SORCS1: variants seen among roughly 807,000 people sequenced by gnomAD.
SORCS1 encodes VPS10 domain-containing receptor SorCS1.
A neutral mutation model predicts 146.1 loss-of-function variants in SORCS1; 60 were observed. That is an observed-to-expected ratio of 0.41 (90% confidence interval 0.33 to 0.51). SORCS1 has a LOEUF of 0.51. SORCS1 is among the 20% of genes least tolerant of loss of function. SORCS1 has a pLI of 0.21. For synonymous variants in SORCS1, 637 were observed against 584.0 expected (o/e 1.09, Z -1.31); for missense variants, 1,352 against 1,487.6 (o/e 0.91, Z 1.50).
At chr10:106,947,854 A>G (rs1589766682) in intron 2 of SORCS1, among the ~76,000 whole-genome samples, 1 of 152,062 alleles carries the variant, frequency 6.6e-6, no homozygotes, top group Admixed American at 6.6e-5. Context: ...AAAAAAAGAG[A>G]AAAAGAAACT....
At chr10:106,753,746 C>A (rs1298241330) in intron 5 of SORCS1, among the ~76,000 whole-genome samples, 2 of 151,448 alleles carry the variant, frequency 1.3e-5, no homozygotes, top group African/African-American at 4.9e-5. Context: ...GATAAAGTAT[C>A]TGCCAGTGTA....
At chr10:107,132,254 C>T (rs1175937448) in intron 1 of SORCS1, among the ~76,000 whole-genome samples, 6 of 151,366 alleles carry the variant, frequency 4.0e-5, no homozygotes, top group Non-Finnish European at 7.4e-5. Context: ...TATTCCTATA[C>T]CCAAGCTTTA....
chr10:107,115,463 C>T (rs1312287018), intron 1 of SORCS1, among the ~76,000 whole-genome samples: 1 of 151,990 alleles, frequency 6.6e-6, no homozygotes, highest in East Asian at 1.9e-4. Flanking sequence ...CATATGTCGT[C>T]AACTAATCTT....
At chr10:106,604,026 G>T (rs1451262944) in intron 23 of SORCS1, among the ~76,000 whole-genome samples, 2 of 152,168 alleles carry the variant, frequency 1.3e-5, no homozygotes, top group Non-Finnish European at 2.9e-5. Context: ...GGTGCAATCA[G>T]GTGAGAGGTA....
At chr10:107,038,675 C>A (rs923064488) in intron 1 of SORCS1, among the ~76,000 whole-genome samples, 5 of 121,050 alleles carry the variant, frequency 4.1e-5, no homozygotes, top group African/African-American at 1.8e-4. Flanking sequence ...ACACTGCCCA[C>A]CCCCAACCCT....
chr10:106,822,027 G>C (rs1589473759), intron 3 of SORCS1, among the ~76,000 whole-genome samples: 1 of 152,176 alleles, frequency 6.6e-6, no homozygotes, highest in East Asian at 1.9e-4. Flanking sequence ...AGAAAAGATA[G>C]GAGGAAGGAA....
intron 5 of SORCS1, among the ~76,000 whole-genome samples, chr10:106,731,471 C>G (rs1856596501): frequency 1.3e-5 from 2 of 152,210 alleles, no homozygotes; most frequent in African/African-American, 4.8e-5. Context: ...CTGTGAGTCT[C>G]TAAGCTTCTG....
At chr10:107,047,808 C>T (rs780692723) in intron 1 of SORCS1, among the ~76,000 whole-genome samples, 6 of 151,986 alleles carry the variant, frequency 3.9e-5, no homozygotes, top group Non-Finnish European at 8.8e-5. Context: ...TTGCCGGGTG[C>T]GTTGGCTCAC....
chr10:107,150,728 C>G (rs1353562627), intron 1 of SORCS1, among the ~76,000 whole-genome samples: 2 of 152,206 alleles, frequency 1.3e-5, no homozygotes, highest in Non-Finnish European at 2.9e-5. Context: ...TACCTCCATG[C>G]TGTTCTTGTG....
intron 6 of SORCS1, among the ~76,000 whole-genome samples, chr10:106,710,907 T>C (rs952833823): frequency 4.6e-5 from 7 of 152,230 alleles, no homozygotes; most frequent in African/African-American, 1.4e-4. Flanking sequence ...CCCAGGCTGT[T>C]CTCAAAGCAC....
intron 2 of SORCS1, among the ~76,000 whole-genome samples, chr10:106,902,676 T>C (rs1186472137): frequency 6.6e-6 from 1 of 152,268 alleles, no homozygotes; most frequent in African/African-American, 2.4e-5. Context: ...AAAATATGCA[T>C]GCATACTTTT....
intron 18 of SORCS1, among the ~76,000 whole-genome samples, chr10:106,632,954 C>G (rs1323309311): frequency 6.6e-6 from 1 of 151,856 alleles, no homozygotes; most frequent in Non-Finnish European, 1.5e-5. Flanking sequence ...GCCAGGGGAA[C>G]AGAGGGAACA....
chr10:107,048,965 G>A (rs1285333821), intron 1 of SORCS1, among the ~76,000 whole-genome samples: 2 of 152,028 alleles, frequency 1.3e-5, no homozygotes, highest in African/African-American at 4.8e-5. Flanking sequence ...TGAGAGAGAA[G>A]CAGACAATTA....
chr10:106,618,020 C>A (rs1316865410), intron 21 of SORCS1, 129 bp downstream of exon 21: 2 of 1,242,210 alleles, frequency 1.6e-6, no homozygotes, highest in Non-Finnish European at 1.1e-6. Flanking sequence ...CGCCTCAGCT[C>A]TTTCTCAACT....
chr10:106,880,856 A>G (rs948540153), intron 2 of SORCS1, among the ~76,000 whole-genome samples: 1 of 152,018 alleles, frequency 6.6e-6, no homozygotes, highest in Non-Finnish European at 1.5e-5. Context: ...TGGGAGGCCG[A>G]GGCGGGCGGA....
At chr10:106,754,447 T>G (rs1308920850) in intron 5 of SORCS1, among the ~76,000 whole-genome samples, 2 of 152,154 alleles carry the variant, frequency 1.3e-5, no homozygotes, top group Non-Finnish European at 2.9e-5. Flanking sequence ...CTCTTTAAAA[T>G]TTTTTTCTTC....
At chr10:107,012,099 T>A (rs1279115255) in intron 1 of SORCS1, among the ~76,000 whole-genome samples, 3 of 152,206 alleles carry the variant, frequency 2.0e-5, no homozygotes, top group African/African-American at 4.8e-5. Context: ...TGCAGCAGAT[T>A]TTTTTTCGTG....
chr10:106,577,765 G>A, intron 25 of SORCS1: 1 of 948,146 alleles, frequency 1.1e-6, no homozygotes, highest in Non-Finnish European at 1.5e-6. Flanking sequence ...GGAATGAGTA[G>A]ACAGGGTGAA....
At chr10:106,968,901 C>T (rs1312818335) in intron 1 of SORCS1, among the ~76,000 whole-genome samples, 1 of 152,122 alleles carries the variant, frequency 6.6e-6, no homozygotes, top group East Asian at 1.9e-4. Flanking sequence ...GGAAGAAAAA[C>T]ATTTTACTCT....
Sources: allele counts gnomAD v4.1 joint callset (sites outside exome capture counted in the v4.1 genomes callset), GRCh38; gene constraint gnomAD v4.1.1; transcripts MANE v1.5; gene names NCBI Gene and HGNC (gene_info 2026-07-23, HGNC 2026-07-21).